The following WDR64 variants were observed in gnomAD, a reference collection of about 807,000 sequenced individuals.
WDR64 encodes the protein WD repeat domain 64.
A neutral mutation model predicts 139.3 loss-of-function variants in WDR64; 112 were observed. That is an observed-to-expected ratio of 0.80 (90% CI 0.69 to 0.94). WDR64 has a LOEUF of 0.94. WDR64 is among the 40% of genes least tolerant of loss of function. The pLI is 0.00. For synonymous variants in WDR64, 444 were observed against 437.7 expected (o/e 1.01, Z -0.18); for missense variants, 1,206 against 1,293.1 (o/e 0.93, Z 1.03).
chr1:241,796,788 C>T (rs1659381442), intron 27 of WDR64, among the ~76,000 whole-genome samples: 1 of 152,164 alleles, frequency 6.6e-6, no homozygotes, highest in South Asian at 2.1e-4. Context: ...GCCACTGTGC[C>T]CGGCCTCAGT....
rs1665592539 is a variant in WDR64, at chr1:241,656,272, C to A, written c.145+3643C>A. Among the ~76,000 whole-genome samples, 1 of 152,114 alleles carries A rather than the reference C, an allele frequency of 6.6e-6. No individual in the cohort carries two copies. Among genetic ancestry groups the A allele is most frequent in the Non-Finnish European group, 1.5e-5 (1 of 68,016 alleles). On this transcript the variant is annotated intron_variant, in intron 1 of 27. Transcript: ENST00000437684. This position sits in a 1 kb window ranked among gnomAD's most constrained non-coding sequence, Gnocchi z 4.3. ...AAGGTCTCCCTCTCACTATTACAGG[C>A]AAGGAACTAAGAACTAGAGAGAATG...
chr1:241,735,847 C>T (rs911729372), intron 10 of WDR64, among the ~76,000 whole-genome samples: 1 of 102,752 alleles, frequency 9.7e-6, no homozygotes, highest in African/African-American at 4.6e-5. Flanking sequence ...CTCTCTCTCT[C>T]TCTCTCTCTG....
At position 241,656,891 on chromosome 1, in the gene WDR64, TG is replaced by T. The variant is rs1665621118; in HGVS notation, c.146-3638del. Among the ~76,000 whole-genome samples the T allele has an allele frequency of 2.0e-5, 3 of 151,184 alleles. No homozygotes were observed. The highest frequency in any genetic ancestry group is 7.3e-5 in the African/African-American group (3 of 40,948). On this transcript the variant is annotated intron_variant, in intron 1 of 27. Coordinates refer to ENST00000437684, the MANE Select transcript of WDR64 (RefSeq NM_001367482.1). The surrounding 1 kb of genome is among the most constrained non-coding windows in gnomAD (Gnocchi z 4.3). ...AATGTTGTGTGTGTGTGTGTGTGTG[TG>T]TGTGTGTGTGTGTGTGTGTCTGTCT...
chr1:241,751,439 A>G (rs1002210049), intron 14 of WDR64, among the ~76,000 whole-genome samples: 2 of 152,122 alleles, frequency 1.3e-5, no homozygotes, highest in African/African-American at 4.8e-5. Context: ...ATCTTCCTAG[A>G]TTCCCAGCTG....
At chr1:241,687,324 TG>T in intron 7 of WDR64, 136 bp from the exon 8 acceptor site, 1 of 772,610 alleles carries the variant, frequency 1.3e-6, no homozygotes, top group Non-Finnish European at 1.9e-6. Flanking sequence ...AAAAAAAAGG[TG>T]TTATAATGCA....
In WDR64 at chr1:241,801,401, G is replaced by A; in HGVS notation, c.*186G>A. ...GACCTTAACTCTGAATACCAAGCAA[G>A]CAGCAAGCAGCCAGAAGTTTAGGCG... On this transcript the variant is annotated 3_prime_UTR_variant, in exon 28 of 28. Coordinates refer to ENST00000437684, the MANE Select transcript of WDR64 (RefSeq NM_001367482.1). The A allele has an allele frequency of 4.0e-6, 2 of 498,760 alleles. No homozygotes were observed. Among genetic ancestry groups the A allele is most frequent in the South Asian group, 8.6e-5 (2 of 23,210 alleles). 30.9% of individuals were successfully genotyped at this position (498,760 alleles called of 1,614,324 possible).
rs146321451 is a variant in WDR64, at chr1:241,723,388, C to A, written c.1146C>A (p.Ile382=). Residue 382 remains isoleucine (I), a synonymous_variant, in exon 10 of 28, where the codon ATC becomes ATA. Coordinates refer to ENST00000437684, the MANE Select transcript of WDR64 (RefSeq NM_001367482.1). ...LVGHMFSIAE[I]VTNEKDQHVV... ...GACACATGTTCAGTATCGCCGAGAT[C>A]GTAACCAATGAAAAAGATCAACATG... is the stretch of plus-strand genomic sequence containing the variant. 1 of 1,613,816 alleles carries A rather than the reference C, an allele frequency of 6.2e-7. No homozygotes were observed.
At chr1:241,670,073 A>T (rs1234407441) in intron 2 of WDR64, among the ~76,000 whole-genome samples, 1 of 152,206 alleles carries the variant, frequency 6.6e-6, no homozygotes, top group Non-Finnish European at 1.5e-5. Flanking sequence ...TAATTTCAAA[A>T]TTTAAATACA....
chr1:241,674,071 T>C (rs1170698553), intron 3 of WDR64, among the ~76,000 whole-genome samples: 1 of 151,984 alleles, frequency 6.6e-6, no homozygotes, highest in Admixed American at 6.6e-5. Flanking sequence ...TGGGTGGGTG[T>C]GTGTCTTGCC....
At chr1:241,689,779 A>C (rs76575063) in intron 8 of WDR64, among the ~76,000 whole-genome samples, 9,460 of 152,256 alleles carry the variant, frequency 0.062, 423 homozygotes, top group South Asian at 0.13. Flanking sequence ...CTAAGAATAA[A>C]AAGTTCTAAA....
chr1:241,741,828 T>C (rs1361092103), intron 12 of WDR64, among the ~76,000 whole-genome samples, 164 bp downstream of exon 12: 1 of 152,204 alleles, frequency 6.6e-6, no homozygotes, highest in Admixed American at 6.5e-5. Context: ...AAAACAAGCG[T>C]TTTAATTAAG....
chr1:241,787,954 A>C lies in WDR64; in HGVS notation c.2811A>C (p.Glu937Asp). 1 of 1,612,032 alleles carries C rather than the reference A, an allele frequency of 6.2e-7. No homozygotes were observed. The highest frequency in any genetic ancestry group is 1.1e-5 in the South Asian group (1 of 90,428). Residue 937 changes from glutamate to aspartate, a missense_variant, in exon 24 of 28, where the codon GAA (glutamate) becomes GAC (aspartate). By Grantham distance (45) the Glu-to-Asp change is conservative (BLOSUM62 2). Coordinates refer to ENST00000437684, the MANE Select transcript of WDR64 (RefSeq NM_001367482.1). ...RDFILPCDVTEYPIEIKEESK... is the reference protein window; with the variant it reads ...RDFILPCDVTDYPIEIKEESK... ...TCATTTTGCCTTGTGATGTTACTGA[A>C]TATCCCATAGAAATAAAAGAAGAAA...
Position 241,765,390 on chromosome 1 carries a change from A to C in WDR64, c.1948-828A>C, listed in dbSNP as rs558031835. 1.0e-3 allele frequency among the ~76,000 whole-genome samples: 155 copies of C among 152,320 alleles called. 1 individual carries two copies. The highest frequency in any genetic ancestry group is 1.7e-3 in the Non-Finnish European group (114 of 68,032). ...GAGATTCCTCAGAAACAGTTGAAAA[A>C]AAATGTATTTGAGATAAACCCCAAA... On this transcript the variant is annotated intron_variant, in intron 15 of 27. Coordinates refer to ENST00000437684, the MANE Select transcript of WDR64 (RefSeq NM_001367482.1).
chr1:241,697,969 G>C (rs1667561383), intron 8 of WDR64, among the ~76,000 whole-genome samples: 1 of 152,112 alleles, frequency 6.6e-6, no homozygotes, highest in South Asian at 2.1e-4. Flanking sequence ...GCATTCTCTA[G>C]CATCAGGTCC....
In WDR64 at chr1:241,684,076, A is replaced by G. The variant is rs1163168362; in HGVS notation, c.839+375A>G. ...GTTACTAGCACTTGAAGATAGGAAA[A>G]GTTCTAAATATAAAAGCAATGGATA... On this transcript the variant is annotated intron_variant, in intron 7 of 27. Transcript: ENST00000437684. Among the ~76,000 whole-genome samples, 3 of 152,328 alleles carry G rather than the reference A, an allele frequency of 2.0e-5. No homozygotes were observed. The East Asian group carries it at 5.8e-4, about 29-fold the overall frequency.
chr1:241,790,652 G>A lies in WDR64; in HGVS notation c.2953G>A (p.Val985Met), dbSNP rs752608788. The A allele has an allele frequency of 9.3e-6, 15 of 1,608,364 alleles. No individual in the cohort carries two copies. In the African/African-American group the frequency reaches 1.6e-4, roughly 17 times the overall value. Reference sequence around the variant, plus strand: ...ACGCACACCTCCCAAGGCCTTTGAAGTGGAACAGGATTTCAAGTTTTTCAA... The same window carrying A: ...ACGCACACCTCCCAAGGCCTTTGAAATGGAACAGGATTTCAAGTTTTTCAA... The part of the protein sequence containing the change: ...FKRTPPKAFE[V>M]EQDFKFFKSL... Residue 985 changes from valine (V) to methionine (M), a missense_variant, in exon 25 of 28, where the codon GTG (valine) becomes ATG (methionine). By Grantham distance (21) the Val-to-Met change is conservative. Transcript: ENST00000437684.
chr1:241,684,751 C>T (rs567527949), intron 7 of WDR64, among the ~76,000 whole-genome samples: 45 of 152,168 alleles, frequency 3.0e-4, no homozygotes, highest in Non-Finnish European at 3.8e-4. Context: ...CACAGCTTCG[C>T]CTTGCCTTGC....
At chr1:241,733,103 C>T (rs1268819238) in intron 10 of WDR64, among the ~76,000 whole-genome samples, 2 of 152,140 alleles carry the variant, frequency 1.3e-5, no homozygotes, top group Non-Finnish European at 2.9e-5. Flanking sequence ...CCTCAAAACA[C>T]TTAATCAACC....
intron 2 of WDR64, among the ~76,000 whole-genome samples, chr1:241,669,109 CA>C (rs1235438420): frequency 6.6e-6 from 1 of 152,160 alleles, no homozygotes; most frequent in Non-Finnish European, 1.5e-5. Flanking sequence ...TCCATTATGT[CA>C]TTTAAACCTC....
Sources: gnomAD v4.1 joint callset for allele counts (sites outside exome capture counted in the v4.1 genomes callset) on GRCh38, gnomAD v4.1.1 for gene constraint, Gnocchi (gnomAD v3.1) non-coding constraint, MANE v1.5 for transcripts, NCBI Gene and HGNC (gene_info 2026-07-23, HGNC 2026-07-21) for gene names.